DYNC2I1: variants seen among roughly 807,000 people sequenced by gnomAD.
The protein encoded by DYNC2I1 is cytoplasmic dynein 2 intermediate chain 1.
A neutral mutation model predicts 133.4 loss-of-function variants in DYNC2I1; 89 were observed. That is an observed-to-expected ratio of 0.67 (90% CI 0.56 to 0.80). DYNC2I1 has a LOEUF of 0.80. Among genes scored for constraint, DYNC2I1 ranks in the 30% least tolerant of loss-of-function variants. DYNC2I1 has a pLI of 0.00. For missense variants in DYNC2I1, 1,291 were observed against 1,314.5 expected, an observed-to-expected ratio of 0.98 and a Z score of 0.28; for synonymous variants, 504 against 484.3, an observed-to-expected ratio of 1.04 and a Z score of -0.54.
rs1563181039 is a variant in DYNC2I1 at position 158,923,665 on chromosome 7, CAA to C, written c.2190_2191del (p.Arg731AlafsTer73). On this transcript the variant is annotated frameshift_variant, in exon 17 of 25. Transcript: ENST00000407559. LOFTEE classifies it high-confidence loss of function. ...GTCGTCTGGGATTTGAGAGAAGACT[CAA>C]GGCTGCATTACTCTGTGACGCTGAG... 6.2e-7 allele frequency: 1 copy of C among 1,613,994 alleles called. No homozygotes were observed. The highest frequency in any genetic ancestry group is 1.3e-5 in the African/African-American group (1 of 75,048).
Position 158,945,860 on chromosome 7 carries a change from A to G in DYNC2I1, c.*81A>G. On this transcript the variant is annotated 3_prime_UTR_variant, in exon 25 of 25. Transcript: ENST00000407559. This position sits in a 1 kb window ranked among gnomAD's most constrained non-coding sequence, Gnocchi z 4.1. ...GGTGGATAATTCTACATTTGTGTGC[A>G]AGTATATTTATGTATATAGACTATG... The G allele has an allele frequency of 7.4e-7, 1 of 1,348,036 alleles. No homozygotes were observed. The highest frequency in any genetic ancestry group is 9.9e-7 in the Non-Finnish European group (1 of 1,013,958). The allele number at this position is 1,348,036 out of a possible 1,614,324, so 83.5% of individuals were successfully genotyped here. A position where few individuals can be genotyped will look rare whatever the true frequency, so the allele number is the denominator to read the frequency against.
the DYNC2I1 span, among the ~76,000 whole-genome samples, chr7:158,843,158 A>G: frequency 0.22 from 33,971 of 152,036 alleles, 6,259 homozygotes; most frequent in East Asian, 0.67. Context: ...GCAGTGGCAC[A>G]ATCTCAGCTT....
chr7:158,895,309 AGT>A (rs1307623253), intron 8 of DYNC2I1, among the ~76,000 whole-genome samples: 1 of 151,940 alleles, frequency 6.6e-6, no homozygotes, highest in African/African-American at 2.4e-5. Flanking sequence ...ATCTGTTTCG[AGT>A]GTGTTTTCTT....
rs758712810 is a variant in DYNC2I1 at position 158,912,985 on chromosome 7, G to T, written c.1591G>T (p.Ala531Ser). ...ATTTTGGCATATTTTTGTTTTTAAG[G>T]CATATGTTCAGTGTAACGAAGATAA... ...RNFGKKNTKQ[A>S]YVQCNEDNVE... The change falls in exon 13 of 25, where the codon GCA becomes TCA. Residue 531 changes from alanine (A) to serine (S), a missense_variant and splice_region_variant. Ala to Ser is a moderately conservative substitution (Grantham distance 99). Coordinates refer to ENST00000407559, the MANE Select transcript of DYNC2I1 (RefSeq NM_018051.5). 6 of 1,601,002 alleles carry T rather than the reference G, an allele frequency of 3.7e-6. No homozygotes were observed. Among genetic ancestry groups the T allele is most frequent in the Non-Finnish European group, 5.1e-6 (6 of 1,174,950 alleles).
intron 12 of DYNC2I1, among the ~76,000 whole-genome samples, chr7:158,912,666 C>T (rs1387028729): frequency 1.3e-5 from 2 of 152,138 alleles, no homozygotes; most frequent in Admixed American, 6.5e-5. Context: ...AAACTGATTT[C>T]ACTGAAGCAT....
Position 158,856,583 on chromosome 7 carries a change from C to T in DYNC2I1, c.-153C>T, listed in dbSNP as rs1194517734. The T allele has an allele frequency of 4.1e-6, 3 of 735,614 alleles. No homozygotes were observed. The highest frequency in any genetic ancestry group is 5.6e-6 in the Non-Finnish European group (3 of 536,258). The allele number at this position is 735,614 out of a possible 1,614,324, so 45.6% of individuals were successfully genotyped here. A position where few individuals can be genotyped will look rare whatever the true frequency, so the allele number is the denominator to read the frequency against. On this transcript the variant is annotated 5_prime_UTR_variant, in exon 1 of 25. Transcript: ENST00000407559. ...GGGAGAGGCCGCAGGGCACGCTGGG[C>T]AGTGCTTCTGGGCCCTCTGCTGCTC...
intron 10 of DYNC2I1, 117 bp from the exon 11 acceptor site, chr7:158,905,871 TG>T: frequency 1.4e-6 from 1 of 692,550 alleles, no homozygotes; most frequent in East Asian, 2.8e-5. Context: ...TGTCATTAGT[TG>T]AAGGGTTTAT....
At chr7:158,949,520 G>C (rs533274680), downstream of DYNC2I1, among the ~76,000 whole-genome samples, 6 of 152,222 alleles carry the variant, frequency 3.9e-5, no homozygotes, top group Non-Finnish European at 8.8e-5. Flanking sequence ...TTGGCAGCCC[G>C]TCTGTTGAGG....
At chr7:158,921,336 G>A (rs990380865) in intron 15 of DYNC2I1, among the ~76,000 whole-genome samples, 9 of 152,116 alleles carry the variant, frequency 5.9e-5, no homozygotes, top group Non-Finnish European at 8.8e-5. Context: ...GACAGTGGGA[G>A]GTGAGGTCGG....
rs191462287 is a variant in DYNC2I1 at position 158,946,013 on chromosome 7, C to G, written c.*234C>G. On this transcript the variant is annotated 3_prime_UTR_variant, in exon 25 of 25. Coordinates refer to ENST00000407559, the MANE Select transcript of DYNC2I1 (RefSeq NM_018051.5). ...AAACTTCCAGGGGAATGTAGAGCCACGTCCAGGGTGCTCTTTTCTGAGAGT... is the reference window on the plus strand; with the variant it reads ...AAACTTCCAGGGGAATGTAGAGCCAGGTCCAGGGTGCTCTTTTCTGAGAGT... 7.0e-5 allele frequency: 27 copies of G among 386,620 alleles called. No individual in the cohort carries two copies. Among genetic ancestry groups the G allele is most frequent in the African/African-American group, 5.6e-4 (27 of 48,160 alleles). 23.9% of individuals were successfully genotyped at this position (386,620 alleles called of 1,614,324 possible).
chr7:158,867,143 T>C (rs1203405960), intron 1 of DYNC2I1, among the ~76,000 whole-genome samples: 1 of 152,044 alleles, frequency 6.6e-6, no homozygotes, highest in East Asian at 1.9e-4. Context: ...TCATCCTTGA[T>C]TGAGTTTGCT....
Position 158,915,844 on chromosome 7 carries a change from C to G in DYNC2I1, c.1791+1523C>G, listed in dbSNP as rs112753682. The stretch of plus-strand genomic sequence containing the variant: ...AGGATGATTGTGAAACGTCAACACG[C>G]TGGTTGACATTAAGGATGATTGTGA... On this transcript the variant is annotated intron_variant, in intron 14 of 24. Transcript: ENST00000407559. Among the ~76,000 whole-genome samples, 86 of 132,382 alleles carry G rather than the reference C, an allele frequency of 6.5e-4. 2 individuals carry two copies. Among genetic ancestry groups the G allele is most frequent in the African/African-American group, 2.4e-3 (82 of 34,170 alleles). 86.8% of individuals were successfully genotyped at this position (132,382 alleles called of 152,430 possible).
At chr7:158,871,070 C>T (rs1408738305) in intron 2 of DYNC2I1, 72 bp from the exon 3 acceptor site, 4 of 1,497,434 alleles carry the variant, frequency 2.7e-6, no homozygotes, top group African/African-American at 1.4e-5. Flanking sequence ...GTGCTTCTCA[C>T]ATTCAGGTAT....
chr7:158,955,121 T>C (rs766961528), intron 4 of DYNC2I1, among the ~76,000 whole-genome samples: 8 of 152,238 alleles, frequency 5.3e-5, no homozygotes, highest in Admixed American at 1.3e-4. Flanking sequence ...AAGAGGCACG[T>C]TGAAACATTG....
At chr7:158,884,543 G>T (rs765818450) in intron 5 of DYNC2I1, 21 bp from the exon 6 acceptor site, 1 of 1,607,174 alleles carries the variant, frequency 6.2e-7, no homozygotes, top group African/African-American at 1.3e-5. Context: ...ATGGTTATGG[G>T]ATTATATTTT....
At chr7:158,932,214 C>T (rs79557602) in intron 21 of DYNC2I1, among the ~76,000 whole-genome samples, 3,336 of 152,240 alleles carry the variant, frequency 0.022, 58 homozygotes, top group Admixed American at 0.053. Context: ...TCAGGGTTGT[C>T]GTGCAGAGGA....
chr7:158,956,161 T>C (rs936608053), intron 4 of DYNC2I1, among the ~76,000 whole-genome samples: 1 of 152,218 alleles, frequency 6.6e-6, no homozygotes, highest in Non-Finnish European at 1.5e-5. Context: ...TAGAGAGAGT[T>C]TTCCTGGGAC....
intron 14 of DYNC2I1, among the ~76,000 whole-genome samples, chr7:158,918,270 T>G (rs1320378669): frequency 1.3e-5 from 2 of 152,222 alleles, no homozygotes; most frequent in Admixed American, 6.5e-5. Flanking sequence ...TTTCCAGTTC[T>G]TTTTCCATCA....
At chr7:158,920,129 G>A (rs1848890166) in intron 15 of DYNC2I1, among the ~76,000 whole-genome samples, 1 of 151,528 alleles carries the variant, frequency 6.6e-6, no homozygotes, top group Non-Finnish European at 1.5e-5. Flanking sequence ...GTGTACCACA[G>A]CGTGTGGCCT....
Sources: gnomAD v4.1 joint callset for allele counts (sites outside exome capture counted in the v4.1 genomes callset) on GRCh38, gnomAD v4.1.1 for gene constraint, Gnocchi (gnomAD v3.1) non-coding constraint, MANE v1.5 for transcripts, NCBI Gene and HGNC (gene_info 2026-07-23, HGNC 2026-07-21) for gene names.